The following GAB1 variants were observed in gnomAD, a reference collection of about 807,000 sequenced individuals.
GAB1 encodes the protein GRB2 associated binding protein 1, also known as GRB2-associated-binding protein 1.
Under a neutral mutation model 66.5 loss-of-function variants are expected in GAB1, and 19 were observed. That is an observed-to-expected ratio of 0.29 (90% CI 0.20 to 0.42). The LOEUF (loss-of-function observed/expected upper bound fraction) is 0.42. Ranked by LOEUF, GAB1 falls within the 10% of genes least tolerant of loss-of-function variation. The pLI is 1.00. For synonymous variants in GAB1, 294 were observed against 301.4 expected (o/e 0.98, Z 0.25); for missense variants, 732 against 858.5 (o/e 0.85, Z 1.84).
chr4:143,351,898 C>T (rs796454757), intron 1 of GAB1, among the ~76,000 whole-genome samples: 9 of 152,314 alleles, frequency 5.9e-5, no homozygotes, highest in African/African-American at 1.7e-4. Flanking sequence ...TTGGTTCTTA[C>T]ATTTATTTTA....
At chr4:143,374,249 A>G (rs2149670236) in intron 1 of GAB1, among the ~76,000 whole-genome samples, 1 of 152,234 alleles carries the variant, frequency 6.6e-6, no homozygotes, top group East Asian at 1.9e-4. Flanking sequence ...CAAAGTGTCC[A>G]TGGATCAGAA....
intron 6 of GAB1, among the ~76,000 whole-genome samples, chr4:143,440,633 G>A (rs28925908): frequency 0.014 from 2,180 of 152,200 alleles, 52 homozygotes; most frequent in African/African-American, 0.048. Flanking sequence ...AAATACTCAC[G>A]GGGTGAGCGG....
intron 1 of GAB1, among the ~76,000 whole-genome samples, chr4:143,396,253 T>C (rs943726016): frequency 6.6e-6 from 1 of 152,194 alleles, no homozygotes; most frequent in African/African-American, 2.4e-5. Context: ...ATGGCCATGA[T>C]AGTGTAAATG....
chr4:143,386,486 C>T (rs1318371834), intron 1 of GAB1, among the ~76,000 whole-genome samples: 1 of 152,090 alleles, frequency 6.6e-6, no homozygotes, highest in Non-Finnish European at 1.5e-5. Context: ...CTCTTGGGCA[C>T]AAGTGATTCT....
At chr4:143,387,336 G>A (rs28989228) in intron 1 of GAB1, among the ~76,000 whole-genome samples, 262 of 152,276 alleles carry the variant, frequency 1.7e-3, no homozygotes, top group African/African-American at 6.2e-3. Flanking sequence ...TCTCCATGTT[G>A]GTCAGGCTGG....
At chr4:143,359,331 C>G (rs1033891867) in intron 1 of GAB1, among the ~76,000 whole-genome samples, 9 of 152,132 alleles carry the variant, frequency 5.9e-5, no homozygotes, top group Admixed American at 5.2e-4. Context: ...TAACTATTTC[C>G]ATTAATGAGT....
intron 2 of GAB1, among the ~76,000 whole-genome samples, chr4:143,419,314 A>G (rs1463884844): frequency 6.6e-6 from 1 of 152,132 alleles, no homozygotes; most frequent in African/African-American, 2.4e-5. Context: ...GTCTAGTAGG[A>G]GGGACAAATA....
intron 1 of GAB1, among the ~76,000 whole-genome samples, chr4:143,408,822 T>C (rs761790772): frequency 6.6e-6 from 1 of 152,234 alleles, no homozygotes; most frequent in Non-Finnish European, 1.5e-5. Context: ...ATATCAGTTG[T>C]GAAATACCTT....
At chr4:143,402,138 T>C (rs1731809409) in intron 1 of GAB1, among the ~76,000 whole-genome samples, 1 of 152,180 alleles carries the variant, frequency 6.6e-6, no homozygotes, top group African/African-American at 2.4e-5. Flanking sequence ...AAACCAATGC[T>C]ATCCAAAAAT....
chr4:143,439,677 A>G (rs1734120103), intron 4 of GAB1, 125 bp from the exon 5 acceptor site: 1 of 653,794 alleles, frequency 1.5e-6, no homozygotes, highest in Non-Finnish European at 2.7e-6. Flanking sequence ...CATCCTTTTT[A>G]AAATTCTGTG....
rs986253779 is a variant in GAB1 at position 143,424,974 on chromosome 4, C to G, written c.368-8517C>G. On this transcript the variant is annotated intron_variant, in intron 2 of 9. Coordinates refer to ENST00000262994, the MANE Select transcript of GAB1 (RefSeq NM_002039.4). Reference sequence around the variant, plus strand: ...GACTTTAAAAAAAGAAAAAAAAAGGCCTTTCTGTGCTACCCACAGAGGGGT... The same window carrying G: ...GACTTTAAAAAAAGAAAAAAAAAGGGCTTTCTGTGCTACCCACAGAGGGGT... The G allele has an allele frequency of 1.1e-4, 67 of 612,130 alleles. 1 individual carries two copies. Among genetic ancestry groups the G allele is most frequent in the Admixed American group, 3.1e-4 (11 of 35,410 alleles). 37.9% of individuals were successfully genotyped at this position (612,130 alleles called of 1,614,324 possible). A position where few individuals can be genotyped will look rare whatever the true frequency, so the allele number is the denominator to read the frequency against.
intron 1 of GAB1, among the ~76,000 whole-genome samples, chr4:143,340,184 C>T (rs768737591): frequency 2.0e-5 from 3 of 152,136 alleles, no homozygotes; most frequent in South Asian, 4.2e-4. Flanking sequence ...GACATGTATA[C>T]GTGCATTTCC....
chr4:143,339,988 G>A (rs1055117322), intron 1 of GAB1, among the ~76,000 whole-genome samples: 2 of 151,830 alleles, frequency 1.3e-5, no homozygotes, highest in Non-Finnish European at 1.5e-5. Flanking sequence ...TCAGAATAGA[G>A]GAAACCAGCA....
intron 1 of GAB1, among the ~76,000 whole-genome samples, chr4:143,390,707 A>G (rs1379497456): frequency 6.6e-6 from 1 of 152,176 alleles, no homozygotes; most frequent in Non-Finnish European, 1.5e-5. Context: ...AGTGAATTAA[A>G]GGGCATACAA....
intron 1 of GAB1, among the ~76,000 whole-genome samples, chr4:143,366,316 A>C (rs1442025587): frequency 6.6e-6 from 1 of 152,244 alleles, no homozygotes; most frequent in Non-Finnish European, 1.5e-5. Flanking sequence ...TAACCCCACC[A>C]TTATAGCTTT....
chr4:143,353,997 T>C (rs1729338683), intron 1 of GAB1, among the ~76,000 whole-genome samples: 1 of 152,198 alleles, frequency 6.6e-6, no homozygotes, highest in Non-Finnish European at 1.5e-5. Context: ...CACCCTCTCA[T>C]TGCACTGAGA....
At chr4:143,444,840 GTGAGA>G (rs1219693922) in intron 6 of GAB1, among the ~76,000 whole-genome samples, 1 of 152,126 alleles carries the variant, frequency 6.6e-6, no homozygotes, top group Non-Finnish European at 1.5e-5. Flanking sequence ...TCACTTGTAA[GTGAGA>G]ACATGTGATA....
intron 2 of GAB1, among the ~76,000 whole-genome samples, chr4:143,421,294 A>G (rs984248294): frequency 1.4e-4 from 22 of 152,118 alleles, no homozygotes; most frequent in Admixed American, 1.1e-3. Flanking sequence ...TTGTGGATCT[A>G]TTCTAGTGTT....
At chr4:143,370,768 A>C (rs974729922) in intron 1 of GAB1, among the ~76,000 whole-genome samples, 1 of 152,126 alleles carries the variant, frequency 6.6e-6, no homozygotes, top group African/African-American at 2.4e-5. Flanking sequence ...CTCATTGTTC[A>C]GTTCCCACCT....
Sources: gnomAD v4.1 joint callset for allele counts (sites outside exome capture counted in the v4.1 genomes callset) on GRCh38, gnomAD v4.1.1 for gene constraint, MANE v1.5 for transcripts, NCBI Gene and HGNC (gene_info 2026-07-23, HGNC 2026-07-21) for gene names.